Variants in TIPIN observed in about 807,000 individuals in gnomAD.
The protein encoded by TIPIN is TIMELESS interacting protein, also known as TIMELESS-interacting protein.
In TIPIN, 29 loss-of-function variants were observed where a neutral mutation model predicts 35.6. That is an observed-to-expected ratio of 0.82 (90% CI 0.61 to 1.11). The LOEUF (loss-of-function observed/expected upper bound fraction) is 1.11, where lower values mean the gene tolerates loss of function less well. Among genes scored for constraint, TIPIN ranks in the 50% most tolerant of loss-of-function variants. The pLI is 0.00. For synonymous variants in TIPIN, 102 were observed against 121.5 expected, an observed-to-expected ratio of 0.84 and a Z score of 1.06; for missense variants, 296 against 345.4, an observed-to-expected ratio of 0.86 and a Z score of 1.13.
intron 1 of TIPIN, among the ~76,000 whole-genome samples, chr15:66,377,038 G>A (rs1161705234): frequency 6.7e-6 from 1 of 149,332 alleles, no homozygotes; most frequent in Admixed American, 6.7e-5. Context: ...AACCCGTGAG[G>A]TGGAGGTTGC....
intron 1 of TIPIN, among the ~76,000 whole-genome samples, chr15:66,364,278 G>A (rs1376528820): frequency 7.0e-6 from 1 of 141,954 alleles, no homozygotes; most frequent in African/African-American, 2.6e-5. Context: ...CAATTCTCCT[G>A]TCTCAGCCTC....
intron 1 of TIPIN, among the ~76,000 whole-genome samples, chr15:66,364,970 A>AAAAAAAAAAAAAAAAAAAG (rs1555409817): frequency 2.9e-5 from 4 of 137,564 alleles, no homozygotes; most frequent in Non-Finnish European, 3.1e-5. Context: ...CCATCTCAAA[A>AAAAAAAAAAAAAAAAAAAG]AAAAAGAAAA....
intron 4 of TIPIN, among the ~76,000 whole-genome samples, chr15:66,350,625 CACTT>C (rs1271189385): frequency 2.8e-5 from 4 of 143,858 alleles, no homozygotes; most frequent in African/African-American, 1.0e-4. Flanking sequence ...AAAAAAAAAA[CACTT>C]AATAAAGTTA....
chr15:66,352,848 T>C lies in TIPIN; in HGVS notation c.100A>G (p.Arg34Gly), dbSNP rs1355097050. The C allele has an allele frequency of 1.2e-6, 2 of 1,613,322 alleles. No homozygotes were observed. The highest frequency in any genetic ancestry group is 1.7e-6 in the Non-Finnish European group (2 of 1,179,962). Residue 34 changes from arginine (R) to glycine (G), a missense_variant, in exon 2 of 8, where the codon AGA becomes GGA. Arg to Gly is a moderately radical substitution (Grantham distance 125, BLOSUM62 -2). Transcript: ENST00000261881. ...GGCTCAGTTCCTTCACCATCTTGTC[T>C]CTCTGGAGAGGCTGGAGGTGGGAAA... ...PPFPPPASPERQDGEGTEPDE... is the reference protein window; with the variant it reads ...PPFPPPASPEGQDGEGTEPDE...
At chr15:66,364,970 A>AAAAAAAAAAAAAAAG (rs1555409817) in intron 1 of TIPIN, among the ~76,000 whole-genome samples, 1 of 137,606 alleles carries the variant, frequency 7.3e-6, no homozygotes, top group Non-Finnish European at 1.6e-5. Context: ...CCATCTCAAA[A>AAAAAAAAAAAAAAAG]AAAAAGAAAA....
At position 66,367,895 on chromosome 15, in the gene TIPIN, C is replaced by T. The variant is rs1398526254; in HGVS notation, c.-8-14940G>A. On this transcript the variant is annotated intron_variant, in intron 1 of 7. Coordinates refer to the TIPIN transcript ENST00000562124. Reference sequence around the variant, plus strand: ...TGCTGCCTAGGCTGCAGTGCAGTGGCGTGATCTCGGCTCACACAACCTCTG... The same window carrying T: ...TGCTGCCTAGGCTGCAGTGCAGTGGTGTGATCTCGGCTCACACAACCTCTG... Among the ~76,000 whole-genome samples, 4 of 142,016 alleles carry T rather than the reference C, an allele frequency of 2.8e-5. No homozygotes were observed. In the South Asian group the frequency reaches 6.7e-4, roughly 24 times the overall value. 93.2% of individuals were successfully genotyped at this position (142,016 alleles called of 152,430 possible). A position where few individuals can be genotyped will look rare whatever the true frequency, so the allele number is the denominator to read the frequency against.
At chr15:66,364,189 G>A (rs1208569545) in intron 1 of TIPIN, among the ~76,000 whole-genome samples, 3 of 105,464 alleles carry the variant, frequency 2.8e-5, no homozygotes, top group Non-Finnish European at 5.4e-5. Flanking sequence ...TTTTGAGACA[G>A]AGTCTTGCTC....
At chr15:66,366,593 T>TAAA (rs2093255231) in intron 1 of TIPIN, among the ~76,000 whole-genome samples, 1 of 71,986 alleles carries the variant, frequency 1.4e-5, no homozygotes, top group East Asian at 4.2e-4. Flanking sequence ...CTCTACTAAA[T>TAAA]ATACAAAAAA....
At chr15:66,367,983 G>A (rs528270865) in intron 1 of TIPIN, among the ~76,000 whole-genome samples, 3 of 151,210 alleles carry the variant, frequency 2.0e-5, no homozygotes, top group Admixed American at 6.6e-5. Flanking sequence ...ACAGGTGCGC[G>A]CCACCATGGC....
intron 6 of TIPIN, among the ~76,000 whole-genome samples, chr15:66,346,401 T>C (rs565671021): frequency 5.1e-4 from 77 of 152,128 alleles, no homozygotes; most frequent in African/African-American, 1.8e-3. Context: ...TTCTTTTTAA[T>C]TTCTTTTTTC....
chr15:66,380,319 T>C (rs1464632841), intron 1 of TIPIN, among the ~76,000 whole-genome samples: 1 of 151,982 alleles, frequency 6.6e-6, no homozygotes, highest in Non-Finnish European at 1.5e-5. Context: ...CACCTTCATT[T>C]CTTTTTCAAA....
At chr15:66,382,919 A>G in intron 1 of TIPIN, 2 of 985,276 alleles carry the variant, frequency 2.0e-6, no homozygotes, top group Non-Finnish European at 2.4e-6. Context: ...GGAAAAGTTG[A>G]CAGAACCGAT....
At chr15:66,373,885 T>C (rs1978699) in intron 1 of TIPIN, among the ~76,000 whole-genome samples, 13,259 of 151,986 alleles carry the variant, frequency 0.087, 818 homozygotes, top group Admixed American at 0.15. Flanking sequence ...AAATCTTTTG[T>C]AGAGACAGGG....
chr15:66,355,715 C>T (rs1387051279), intron 1 of TIPIN, among the ~76,000 whole-genome samples: 1 of 152,192 alleles, frequency 6.6e-6, no homozygotes, highest in Non-Finnish European at 1.5e-5. Context: ...CGCGCCACTG[C>T]ACTCCAGCCT....
chr15:66,375,490 T>C (rs2093293036), intron 1 of TIPIN, among the ~76,000 whole-genome samples: 2 of 103,834 alleles, frequency 1.9e-5, no homozygotes, highest in South Asian at 3.5e-4. Context: ...TTGTTTTTAA[T>C]TGGAAAAGTT....
At position 66,352,172 on chromosome 15, in the gene TIPIN, T is replaced by C; in HGVS notation, c.169A>G (p.Lys57Glu). Residue 57 changes from lysine (K) to glutamate (E), a missense_variant, in exon 3 of 8, where the codon AAG (lysine) becomes GAG (glutamate). Lys to Glu is a moderately conservative substitution (Grantham distance 56). Coordinates refer to ENST00000261881, the MANE Select transcript of TIPIN (RefSeq NM_017858.3). ...GGTATATTTCTTTTAACTGTTCTCTTTGGAGGTACACGAACAGGTGCTCCA... is the reference window on the plus strand; with the variant it reads ...GGTATATTTCTTTTAACTGTTCTCTCTGGAGGTACACGAACAGGTGCTCCA... ...GNGAPVRVPP[K>E]RTVKRNIPKL... 6.2e-7 allele frequency: 1 copy of C among 1,611,384 alleles called. No homozygotes were observed. The highest frequency in any genetic ancestry group is 8.5e-7 in the Non-Finnish European group (1 of 1,178,674).
At chr15:66,386,402 C>A (rs2093338906) in intron 1 of TIPIN, 3 of 152,166 alleles carry the variant, frequency 2.0e-5, no homozygotes, top group African/African-American at 7.2e-5. Flanking sequence ...TTCCTTGCAC[C>A]CTTCTCAGTA....
At chr15:66,364,942 G>A (rs1335815197) in intron 1 of TIPIN, among the ~76,000 whole-genome samples, 2 of 104,268 alleles carry the variant, frequency 1.9e-5, no homozygotes, top group African/African-American at 3.8e-5. Flanking sequence ...TTCCAGCCTG[G>A]GTGACAAGAG....
rs62627320 is a variant in TIPIN at position 66,342,789 on chromosome 15, G to A, written c.476-1433C>T. Among the ~76,000 whole-genome samples, 215 of 152,238 alleles carry A rather than the reference G, an allele frequency of 1.4e-3. 3 individuals are homozygous for A. In the East Asian group the frequency reaches 0.037, roughly 26 times the overall value. On this transcript the variant is annotated intron_variant, in intron 6 of 7. Transcript: ENST00000261881. ...ATTAATTTCTTTTTAAATTCAGTGT[G>A]CTCTACATTATAAGTAATACATTAT...
Sources: allele counts gnomAD v4.1 joint callset (sites outside exome capture counted in the v4.1 genomes callset), GRCh38; gene constraint gnomAD v4.1.1; transcripts MANE v1.5; gene names NCBI Gene and HGNC (gene_info 2026-07-23, HGNC 2026-07-21).